Variants in ADGRF5 observed in about 807,000 individuals in gnomAD.
The protein encoded by ADGRF5 is adhesion G protein-coupled receptor F5, also known as G-protein coupled receptor 116.
A neutral mutation model predicts 132.3 loss-of-function variants in ADGRF5; 75 were observed. The ratio of observed to expected loss-of-function variants is 0.57; its 90% CI spans 0.47 to 0.69. The LOEUF is 0.69. Among genes scored for constraint, ADGRF5 ranks in the 30% least tolerant of loss-of-function variants. The pLI is 0.00. For missense variants in ADGRF5, 1,516 were observed against 1,630.6 expected, an observed-to-expected ratio of 0.93 and a Z score of 1.21; for synonymous variants, 629 against 597.6, an observed-to-expected ratio of 1.05 and a Z score of -0.77.
intron 1 of ADGRF5, among the ~76,000 whole-genome samples, chr6:46,914,561 A>C (rs1482273472): frequency 6.6e-6 from 1 of 152,124 alleles, no homozygotes; most frequent in East Asian, 1.9e-4. Context: ...GTTTGTACAC[A>C]ATAGGATCAA....
At chr6:46,896,523 T>G (rs1478214708) in intron 3 of ADGRF5, among the ~76,000 whole-genome samples, 2 of 152,182 alleles carry the variant, frequency 1.3e-5, no homozygotes, top group South Asian at 2.1e-4. Context: ...AAATCGATTT[T>G]CTTTGTTTAA....
intron 6 of ADGRF5, among the ~76,000 whole-genome samples, chr6:46,882,409 G>A (rs1456184038): frequency 6.6e-6 from 1 of 152,192 alleles, no homozygotes; most frequent in South Asian, 2.1e-4. Flanking sequence ...AAATGAAAGA[G>A]AGGGAAGGAA....
intron 1 of ADGRF5, among the ~76,000 whole-genome samples, chr6:46,938,363 A>T (rs1328229698): frequency 6.6e-6 from 1 of 152,142 alleles, no homozygotes; most frequent in Non-Finnish European, 1.5e-5. Context: ...AACACCTTTG[A>T]CTGGCAAATA....
chr6:46,881,805 T>C (rs984260614), intron 7 of ADGRF5, among the ~76,000 whole-genome samples: 1 of 152,236 alleles, frequency 6.6e-6, no homozygotes, highest in Non-Finnish European at 1.5e-5. Context: ...CTATTTGGAC[T>C]ACAAACTTAT....
Position 46,936,197 on chromosome 6 carries a change from G to C in ADGRF5, c.-25+18537C>G, listed in dbSNP as rs533479020. Among the ~76,000 whole-genome samples the C allele has an allele frequency of 7.2e-4, 110 of 152,236 alleles. 1 individual carries two copies. Among genetic ancestry groups the C allele is most frequent in the African/African-American group, 2.5e-3 (103 of 41,534 alleles). On this transcript the variant is annotated intron_variant, in intron 1 of 20. Coordinates refer to the ADGRF5 transcript ENST00000265417. ...AAATCAGTCTCAGAGAGGTTGAGTT[G>C]GTCAGGATGGAATCCAGAGCTGCCC...
At chr6:46,948,482 G>A (rs1261971933) in intron 1 of ADGRF5, among the ~76,000 whole-genome samples, 2 of 76,236 alleles carry the variant, frequency 2.6e-5, no homozygotes, top group Non-Finnish European at 5.2e-5. Flanking sequence ...GTGAGTGTGT[G>A]TGTGTGTGTG....
intron 3 of ADGRF5, among the ~76,000 whole-genome samples, chr6:46,889,053 T>C (rs1363506734): frequency 1.3e-5 from 2 of 151,588 alleles, no homozygotes; most frequent in Non-Finnish European, 2.9e-5. Flanking sequence ...ATAAAAGAGA[T>C]TTTCAGCTCT....
chr6:46,910,258 G>T, intron 1 of ADGRF5, among the ~76,000 whole-genome samples: 1 of 152,160 alleles, frequency 6.6e-6, no homozygotes, highest in Non-Finnish European at 1.5e-5. Flanking sequence ...TGATAGGATT[G>T]TGGGTAATAA....
rs116743657 is a variant in ADGRF5, at chr6:46,900,462, G to A, written c.103-379C>T. Among the ~76,000 whole-genome samples, 260 of 152,270 alleles carry A rather than the reference G, an allele frequency of 1.7e-3. 3 individuals carry two copies. Among genetic ancestry groups the A allele is most frequent in the South Asian group, 0.013 (62 of 4,820 alleles). ...GTCATCCCAGTGACCTTCGAGACAAGTCTCACGACCTCCTTCTCAACACTC... is the reference window on the plus strand; with the variant it reads ...GTCATCCCAGTGACCTTCGAGACAAATCTCACGACCTCCTTCTCAACACTC... On this transcript the variant is annotated intron_variant, in intron 2 of 20. Coordinates refer to ENST00000283296, the MANE Select transcript of ADGRF5 (RefSeq NM_001098518.2).
chr6:46,914,019 A>G, intron 1 of ADGRF5, among the ~76,000 whole-genome samples: 1 of 152,204 alleles, frequency 6.6e-6, no homozygotes, highest in East Asian at 1.9e-4. Context: ...GCAAACATAT[A>G]CTTATCAAAA....
intron 2 of ADGRF5, among the ~76,000 whole-genome samples, chr6:46,904,008 G>T (rs1775044685): frequency 6.6e-6 from 1 of 152,152 alleles, no homozygotes; most frequent in African/African-American, 2.4e-5. Context: ...TCAGAGCTGG[G>T]CTTCCACTCA....
intron 15 of ADGRF5, among the ~76,000 whole-genome samples, 185 bp downstream of exon 15, chr6:46,862,703 C>T (rs866862516): frequency 0.018 from 464 of 26,466 alleles, 9 homozygotes; most frequent in Middle Eastern, 0.091. Flanking sequence ...TGAATTGAGG[C>T]TTTTTTTTTT....
At chr6:46,931,690 A>T (rs1321560678) in intron 1 of ADGRF5, among the ~76,000 whole-genome samples, 1 of 152,234 alleles carries the variant, frequency 6.6e-6, no homozygotes, top group Non-Finnish European at 1.5e-5. Flanking sequence ...CTGGTGTCAC[A>T]CTTGAAAGAA....
chr6:46,952,948 A>G (rs1778556078), intron 1 of ADGRF5, among the ~76,000 whole-genome samples: 2 of 152,178 alleles, frequency 1.3e-5, no homozygotes, highest in Non-Finnish European at 2.9e-5. Context: ...CCAGGCCTTA[A>G]TGGGCAATTG....
intron 1 of ADGRF5, among the ~76,000 whole-genome samples, chr6:46,927,493 C>A (rs932752951): frequency 2.6e-5 from 4 of 152,120 alleles, no homozygotes; most frequent in African/African-American, 7.2e-5. Context: ...CCAACACATG[C>A]ATTCCCATCC....
At chr6:46,940,759 T>G (rs1465297222) in intron 1 of ADGRF5, among the ~76,000 whole-genome samples, 3 of 152,220 alleles carry the variant, frequency 2.0e-5, no homozygotes, top group Admixed American at 6.5e-5. Flanking sequence ...TAAAAGTCCT[T>G]ATATTTTGAC....
intron 3 of ADGRF5, among the ~76,000 whole-genome samples, chr6:46,899,699 G>A (rs1238737630): frequency 6.6e-6 from 1 of 150,378 alleles, no homozygotes; most frequent in African/African-American, 2.5e-5. Flanking sequence ...AAAGCAAAAA[G>A]AAAGGCTTCT....
rs1283110233 is a variant in ADGRF5 at position 46,858,491 on chromosome 6, A to C, written c.3412T>G (p.Cys1138Gly). 2 of 1,613,804 alleles carry C rather than the reference A, an allele frequency of 1.2e-6. No individual in the cohort carries two copies. Among genetic ancestry groups the C allele is most frequent in the Non-Finnish European group, 1.7e-6 (2 of 1,179,854 alleles). ...GTGATGACCGAGATGGCAAGTGGGC[A>C]GCCATAGCCAAGACAGAAGGCAATG... ...KAIAFCLGYG[C>G]PLAISVITLG... The change falls in exon 17 of 21, where the codon TGC (cysteine) becomes GGC (glycine). Residue 1138 changes from cysteine to glycine, a missense_variant. Physicochemically the swap from Cys to Gly is radical, Grantham distance 159. This residue lies in a region of ADGRF5 where 571 missense variants were observed against 701.2 expected (regional missense o/e 0.81). Coordinates refer to ENST00000283296, the MANE Select transcript of ADGRF5 (RefSeq NM_001098518.2).
At position 46,871,890 on chromosome 6, in the gene ADGRF5, T is replaced by C. The variant is rs779692318; in HGVS notation, c.1364A>G (p.Tyr455Cys). ...TATGTTTGCACTGCCTCTGGCTCCATAGGCACTGATGAACTCACAAGTGTA... is the reference window on the plus strand; with the variant it reads ...TATGTTTGCACTGCCTCTGGCTCCACAGGCACTGATGAACTCACAAGTGTA... ...VIYTCEFISA[Y>C]GARGSANIKV... The change falls in exon 11 of 21, where the codon TAT becomes TGT. Residue 455 changes from tyrosine (Y) to cysteine (C), a missense_variant. Physicochemically the swap from Tyr to Cys is radical, Grantham distance 194. Coordinates refer to ENST00000283296, the MANE Select transcript of ADGRF5 (RefSeq NM_001098518.2). The C allele has an allele frequency of 2.7e-5, 43 of 1,611,044 alleles. No homozygotes were observed. The highest frequency in any genetic ancestry group is 4.4e-5 in the South Asian group (4 of 90,806).
Sources: gnomAD v4.1 joint callset for allele counts (sites outside exome capture counted in the v4.1 genomes callset) on GRCh38, gnomAD v4.1.1 for gene constraint, gnomAD v4.1.1 regional missense constraint, MANE v1.5 for transcripts, NCBI Gene and HGNC (gene_info 2026-07-23, HGNC 2026-07-21) for gene names.